CALCRL: variants seen among roughly 807,000 people sequenced by gnomAD.
CALCRL encodes calcitonin gene-related peptide type 1 receptor.
In CALCRL, 27 loss-of-function variants were observed where a neutral mutation model predicts 60.4. That is an observed-to-expected ratio of 0.45 (90% CI 0.33 to 0.62). The LOEUF is 0.62. Ranked by LOEUF, CALCRL falls within the 20% of genes least tolerant of loss-of-function variation. The pLI is 0.03. For missense variants in CALCRL, 424 were observed against 540.7 expected (o/e 0.78, Z 2.14); for synonymous variants, 190 against 182.6 (o/e 1.04, Z -0.33).
intron 8 of CALCRL, among the ~76,000 whole-genome samples, chr2:187,377,315 T>C (rs1338120648): frequency 6.6e-6 from 1 of 152,000 alleles, no homozygotes; most frequent in Non-Finnish European, 1.5e-5. Context: ...GGAAATGGAA[T>C]AGATTAGAAG....
chr2:187,380,735 T>C lies in CALCRL; in HGVS notation c.237A>G (p.Ala79=). Reference sequence around the variant, plus strand: ...AGAGCTGCATTGATTCAGTTCCTGCTGCAACATCGTTCCAGCAGAGCCATC... The same window carrying C: ...AGAGCTGCATTGATTCAGTTCCTGCCGCAACATCGTTCCAGCAGAGCCATC... ...WDGWLCWNDV[A]AGTESMQLCP... is the part of the protein sequence containing the mutation. Residue 79 remains alanine, a synonymous_variant, in exon 6 of 15, where the codon GCA becomes GCG. Coordinates refer to ENST00000392370, the MANE Select transcript of CALCRL (RefSeq NM_005795.6). 2.5e-6 allele frequency: 4 copies of C among 1,614,148 alleles called. No homozygotes were observed. Among genetic ancestry groups the C allele is most frequent in the South Asian group, 1.1e-5 (1 of 91,080 alleles).
At chr2:187,347,823 G>A (rs1686352150) in intron 14 of CALCRL, among the ~76,000 whole-genome samples, 1 of 151,610 alleles carries the variant, frequency 6.6e-6, no homozygotes, top group Non-Finnish European at 1.5e-5. Flanking sequence ...AAAAGAAGGA[G>A]CAAATATAAA....
intron 1 of CALCRL, among the ~76,000 whole-genome samples, chr2:187,425,566 G>T (rs976285160): frequency 3.9e-5 from 6 of 151,938 alleles, no homozygotes; most frequent in African/African-American, 1.4e-4. Context: ...AATAAGGTTA[G>T]TTGTTCTAGT....
intron 1 of CALCRL, among the ~76,000 whole-genome samples, chr2:187,432,864 C>G (rs952390888): frequency 5.9e-5 from 9 of 151,974 alleles, no homozygotes; most frequent in Non-Finnish European, 1.0e-4. Context: ...TGTTTAAATA[C>G]ACAAAGACTT....
intron 1 of CALCRL, among the ~76,000 whole-genome samples, chr2:187,409,470 G>A (rs1051573662): frequency 6.6e-6 from 1 of 152,142 alleles, no homozygotes; most frequent in Non-Finnish European, 1.5e-5. Context: ...ATACACCATT[G>A]AAGACAGCAA....
At chr2:187,425,648 C>A (rs148712251) in intron 1 of CALCRL, among the ~76,000 whole-genome samples, 3 of 152,006 alleles carry the variant, frequency 2.0e-5, no homozygotes, top group African/African-American at 4.8e-5. Flanking sequence ...AAAAAGTATG[C>A]ATATTTATTG....
rs1688738404 is a variant in CALCRL at position 187,398,188 on chromosome 2, A to C, written c.-292-10432T>G. Among the ~76,000 whole-genome samples the C allele has an allele frequency of 2.6e-5, 4 of 151,802 alleles. No homozygotes were observed. In the South Asian group the frequency reaches 8.3e-4, roughly 31 times the overall value. ...CCTCCAGGAGATCTAATATGGAAAG[A>C]ATTAATTGCTCAAAGAGCACTGAAA... On this transcript the variant is annotated intron_variant, in intron 1 of 14. Transcript: ENST00000392370.
At chr2:187,404,201 TAAC>T (rs1351501455) in intron 1 of CALCRL, among the ~76,000 whole-genome samples, 3 of 151,848 alleles carry the variant, frequency 2.0e-5, no homozygotes, top group African/African-American at 7.3e-5. Context: ...TAATAGACCT[TAAC>T]AACAACAGCG....
intron 1 of CALCRL, among the ~76,000 whole-genome samples, chr2:187,426,242 A>T (rs13426120): frequency 0.34 from 50,391 of 146,794 alleles, 8,960 homozygotes; most frequent in African/African-American, 0.45. Context: ...GTCATTTATT[A>T]TTTTTTTTTT....
At chr2:187,441,440 T>C (rs1041891566) in intron 1 of CALCRL, among the ~76,000 whole-genome samples, 14 of 151,894 alleles carry the variant, frequency 9.2e-5, no homozygotes, top group African/African-American at 3.4e-4. Context: ...CTATACACTT[T>C]GATTGGAATT....
intron 8 of CALCRL, among the ~76,000 whole-genome samples, chr2:187,364,648 G>C (rs966083917): frequency 2.0e-5 from 3 of 151,978 alleles, no homozygotes; most frequent in Non-Finnish European, 4.4e-5. Context: ...GGGATGCCAC[G>C]GTTTTCTATA....
At chr2:187,394,085 G>T (rs1175606897) in intron 1 of CALCRL, among the ~76,000 whole-genome samples, 1 of 152,048 alleles carries the variant, frequency 6.6e-6, no homozygotes, top group African/African-American at 2.4e-5. Flanking sequence ...AAAAGAAAGG[G>T]TGAAGGGTCA....
chr2:187,430,766 A>G (rs1439182567), intron 1 of CALCRL, among the ~76,000 whole-genome samples: 1 of 152,144 alleles, frequency 6.6e-6, no homozygotes, highest in Non-Finnish European at 1.5e-5. Flanking sequence ...TTTTACATCC[A>G]TTCATAGGAA....
At chr2:187,410,864 AGT>A (rs200644969) in intron 1 of CALCRL, among the ~76,000 whole-genome samples, 3 of 150,182 alleles carry the variant, frequency 2.0e-5, no homozygotes, top group Non-Finnish European at 3.0e-5. Flanking sequence ...AGAGGCTCAA[AGT>A]GTGTGTGTGT....
At chr2:187,386,134 G>GATAGATAGATAGATA (rs1251706684) in intron 3 of CALCRL, among the ~76,000 whole-genome samples, 7 of 14,656 alleles carry the variant, frequency 4.8e-4, no homozygotes, top group Middle Eastern at 0.023. Flanking sequence ...ACTTCTTATA[G>GATAGATAGATAGATA]ATAGATAGAT....
chr2:187,376,156 A>T (rs757323517), intron 8 of CALCRL, among the ~76,000 whole-genome samples: 105 of 152,186 alleles, frequency 6.9e-4, no homozygotes, highest in Non-Finnish European at 1.8e-4. Context: ...CTATGAACCC[A>T]GTATAGGAAA....
At chr2:187,420,502 C>T (rs925238251) in intron 1 of CALCRL, among the ~76,000 whole-genome samples, 2 of 151,342 alleles carry the variant, frequency 1.3e-5, no homozygotes, top group Admixed American at 6.6e-5. Context: ...TAAAAGAATG[C>T]ATTAAAACCA....
chr2:187,408,497 T>A (rs565482639), intron 1 of CALCRL, among the ~76,000 whole-genome samples: 1 of 152,204 alleles, frequency 6.6e-6, no homozygotes, highest in Admixed American at 6.5e-5. Context: ...CTACATATCT[T>A]TCCTTTAAAA....
chr2:187,347,709 G>T (rs1427125386), intron 14 of CALCRL, among the ~76,000 whole-genome samples: 1 of 151,476 alleles, frequency 6.6e-6, no homozygotes, highest in Non-Finnish European at 1.5e-5. Context: ...GGTGTTCCAG[G>T]ATGTCTGCAG....
Sources: gnomAD v4.1 joint callset for allele counts (sites outside exome capture counted in the v4.1 genomes callset) on GRCh38, gnomAD v4.1.1 for gene constraint, MANE v1.5 for transcripts, NCBI Gene and HGNC (gene_info 2026-07-23, HGNC 2026-07-21) for gene names.